ZNF790: variants seen among roughly 807,000 people sequenced by gnomAD.
The protein encoded by ZNF790 is zinc finger protein 790.
ZNF790 carries 8 observed loss-of-function variants against 12.1 expected under a neutral mutation model. The observed-to-expected ratio is 0.66, with a 90% CI of 0.39 to 1.19. The LOEUF (loss-of-function observed/expected upper bound fraction) is 1.19, where lower values mean the gene tolerates loss of function less well. Ranked by LOEUF, ZNF790 falls within the 50% of genes most tolerant of loss-of-function variation. The probability of loss-of-function intolerance (pLI) is 0.01; values close to 1 mark genes in which losing one functional copy is unlikely to be tolerated. For missense variants in ZNF790, 707 were observed against 752.2 expected (o/e 0.94, Z 0.70); for synonymous variants, 252 against 244.3 (o/e 1.03, Z -0.29).
intron 1 of ZNF790, among the ~76,000 whole-genome samples, chr19:36,846,671 TCAC>T (rs1473091533): frequency 1.3e-5 from 2 of 152,230 alleles, no homozygotes; most frequent in African/African-American, 4.8e-5. Context: ...AAAAATTAGT[TCAC>T]CATTTGTGGA....
At chr19:36,821,054 C>T (rs2071660550) in intron 4 of ZNF790, among the ~76,000 whole-genome samples, 1 of 134,842 alleles carries the variant, frequency 7.4e-6, no homozygotes, top group African/African-American at 2.8e-5. Context: ...CCCCCTCCCC[C>T]CACTGACCCT....
intron 1 of ZNF790, among the ~76,000 whole-genome samples, chr19:36,827,175 T>TATAC (rs2071840843): frequency 8.0e-6 from 1 of 124,948 alleles, no homozygotes; most frequent in African/African-American, 3.2e-5. Context: ...TATATATATA[T>TATAC]ATACACTTAC....
chr19:36,834,152 A>T (rs1361691786), intron 1 of ZNF790, among the ~76,000 whole-genome samples: 1 of 150,558 alleles, frequency 6.6e-6, no homozygotes, highest in African/African-American at 2.4e-5. Flanking sequence ...CTGAGGCATG[A>T]TAATCACTTG....
Position 36,825,560 on chromosome 19 carries a change from T to G in ZNF790, c.9+51A>C. 5 of 1,574,592 alleles carry G rather than the reference T, an allele frequency of 3.2e-6. 1 individual carries two copies. In the South Asian group the frequency reaches 5.5e-5, roughly 17 times the overall value. On this transcript the variant is annotated intron_variant, in intron 2 of 4. Transcript: ENST00000356725. ...AGGATAAGCAATAAAAATATTCACA[T>G]GATTTGATATAAATGGGTTATATTT...
chr19:36,844,866 G>T (rs1359946297), intron 1 of ZNF790, among the ~76,000 whole-genome samples: 1 of 150,394 alleles, frequency 6.6e-6, no homozygotes, highest in Non-Finnish European at 1.5e-5. Context: ...GGCTAAAACG[G>T]TGAAACCCCG....
In ZNF790 at chr19:36,838,357, T is replaced by A. The variant is rs1201648024; in HGVS notation, c.-94A>T. On this transcript the variant is annotated 5_prime_UTR_variant, in exon 1 of 5. Transcript: ENST00000356725. The surrounding 1 kb of genome is among the most constrained non-coding windows in gnomAD (Gnocchi z 4.4). ...CTCACCCGGCCCTGCGGTCCCTTGA[T>A]GGTGGAAGGTTCCGCGATCTTTCTA... 1 of 152,318 alleles carries A rather than the reference T, an allele frequency of 6.6e-6. No individual in the cohort carries two copies. Among genetic ancestry groups the A allele is most frequent in the Non-Finnish European group, 1.5e-5 (1 of 68,120 alleles). 9.4% of individuals were successfully genotyped at this position (152,318 alleles called of 1,614,324 possible). A position where few individuals can be genotyped will look rare whatever the true frequency, so the allele number is the denominator to read the frequency against.
chr19:36,821,500 T>A (rs567029504), intron 4 of ZNF790, among the ~76,000 whole-genome samples: 21 of 152,206 alleles, frequency 1.4e-4, no homozygotes, highest in Non-Finnish European at 2.5e-4. Flanking sequence ...TGTTGAATAA[T>A]CAGTAGCTGA....
intron 1 of ZNF790, among the ~76,000 whole-genome samples, chr19:36,826,964 C>G (rs997061061): frequency 6.7e-5 from 10 of 150,086 alleles, no homozygotes; most frequent in African/African-American, 2.4e-4. Context: ...AACCTTTATC[C>G]CACATAAATG....
upstream of ZNF790, among the ~76,000 whole-genome samples, chr19:36,839,179 A>G (rs1014226957): frequency 6.6e-6 from 1 of 152,200 alleles, no homozygotes; most frequent in African/African-American, 2.4e-5. Flanking sequence ...TCTCTTTTAG[A>G]TGTACATCAT....
upstream of ZNF790, among the ~76,000 whole-genome samples, chr19:36,839,977 C>A (rs751926750): frequency 6.6e-6 from 1 of 152,038 alleles, no homozygotes; most frequent in Non-Finnish European, 1.5e-5. Context: ...GCAGGAGAAT[C>A]GCTTGAACCC....
chr19:36,843,299 C>T (rs2072146707), upstream of ZNF790, among the ~76,000 whole-genome samples: 1 of 152,216 alleles, frequency 6.6e-6, no homozygotes, highest in Non-Finnish European at 1.5e-5. Context: ...ATTTCTGAAA[C>T]TGGTTGGGTC....
intron 1 of ZNF790, among the ~76,000 whole-genome samples, chr19:36,825,993 AAAACATCT>A (rs2071788743): frequency 6.6e-6 from 1 of 152,202 alleles, no homozygotes; most frequent in South Asian, 2.1e-4. Context: ...TGTCTCATTT[AAAACATCT>A]GGAAATGGGT....
intron 1 of ZNF790, among the ~76,000 whole-genome samples, chr19:36,848,786 G>T (rs1363689612): frequency 1.2e-5 from 1 of 83,088 alleles, no homozygotes; most frequent in Non-Finnish European, 2.5e-5. Flanking sequence ...GAAAGAGGAG[G>T]TCCCCTTGTT....
intron 1 of ZNF790, among the ~76,000 whole-genome samples, chr19:36,843,627 C>G (rs928187992): frequency 5.9e-5 from 9 of 152,154 alleles, no homozygotes; most frequent in Non-Finnish European, 1.2e-4. Context: ...TCTGCAGCCT[C>G]TACTATTTTT....
At chr19:36,845,594 T>A (rs977742744) in intron 1 of ZNF790, among the ~76,000 whole-genome samples, 1 of 152,068 alleles carries the variant, frequency 6.6e-6, no homozygotes, top group African/African-American at 2.4e-5. Context: ...TGTCCCAAGG[T>A]CCTCTAGCAG....
intron 1 of ZNF790, among the ~76,000 whole-genome samples, chr19:36,833,768 G>C (rs938521116): frequency 1.3e-5 from 2 of 152,054 alleles, no homozygotes; most frequent in Admixed American, 1.3e-4. Context: ...TTCCCCTCAC[G>C]ACACAAAAAT....
At chr19:36,820,975 G>A (rs940726485) in intron 4 of ZNF790, among the ~76,000 whole-genome samples, 10 of 147,076 alleles carry the variant, frequency 6.8e-5, no homozygotes, top group Non-Finnish European at 1.3e-4. Context: ...GTATACATGT[G>A]CCATGCTGGT....
chr19:36,837,542 A>G (rs1457513719), intron 1 of ZNF790: 1 of 152,180 alleles, frequency 6.6e-6, no homozygotes. Flanking sequence ...TACCAAACAC[A>G]GGGTATTTTC....
intron 1 of ZNF790, among the ~76,000 whole-genome samples, chr19:36,847,184 T>C (rs1019851922): frequency 1.3e-5 from 2 of 151,984 alleles, no homozygotes; most frequent in Non-Finnish European, 2.9e-5. Flanking sequence ...TGAAACCCTG[T>C]CTTTACTAAA....
Sources: allele counts gnomAD v4.1 joint callset (sites outside exome capture counted in the v4.1 genomes callset), GRCh38; gene constraint gnomAD v4.1.1; non-coding constraint Gnocchi (gnomAD v3.1); transcripts MANE v1.5; gene names NCBI Gene and HGNC (gene_info 2026-07-23, HGNC 2026-07-21).